DTX2: variants seen among roughly 807,000 people sequenced by gnomAD.
The protein encoded by DTX2 is probable E3 ubiquitin-protein ligase DTX2.
DTX2 carries 29 observed loss-of-function variants against 55.3 expected under a neutral mutation model. That is an observed-to-expected ratio of 0.52 (90% CI 0.39 to 0.71). The LOEUF is 0.71. Among genes scored for constraint, DTX2 ranks in the 30% least tolerant of loss-of-function variants. The probability of loss-of-function intolerance (pLI) is 0.00; values close to 1 mark genes in which losing one functional copy is unlikely to be tolerated. For missense variants in DTX2, 537 were observed against 822.5 expected (o/e 0.65, Z 4.25); for synonymous variants, 276 against 340.4 (o/e 0.81, Z 2.08).
chr7:76,486,996 T>C (rs1810001268), intron 4 of DTX2, among the ~76,000 whole-genome samples: 2 of 106,334 alleles, frequency 1.9e-5, no homozygotes, highest in Admixed American at 2.4e-4. Context: ...TGACTTATGA[T>C]AGGCCCTCGG....
At chr7:76,483,426 G>T (rs1473733668) in intron 4 of DTX2, among the ~76,000 whole-genome samples, 5 of 152,284 alleles carry the variant, frequency 3.3e-5, no homozygotes, top group African/African-American at 9.6e-5. Context: ...TTAAAGGCCT[G>T]TGGCCTCTGC....
chr7:76,483,900 T>A (rs1418947462), intron 4 of DTX2, among the ~76,000 whole-genome samples: 4 of 151,960 alleles, frequency 2.6e-5, no homozygotes, highest in Admixed American at 2.0e-4. Flanking sequence ...CAAAAAAAAT[T>A]TTTTTAATTA....
At chr7:76,473,192 T>C (rs2116259590) in intron 2 of DTX2, among the ~76,000 whole-genome samples, 1 of 152,084 alleles carries the variant, frequency 6.6e-6, no homozygotes, top group African/African-American at 2.4e-5. Context: ...TTCTTTGATA[T>C]GTTTGTGTCA....
At chr7:76,474,501 C>G (rs1490286231) in intron 2 of DTX2, 1 of 152,164 alleles carries the variant, frequency 6.6e-6, no homozygotes, top group African/African-American at 2.4e-5. Context: ...CTTTCATCTT[C>G]TCTCGGGACG....
intron 2 of DTX2, among the ~76,000 whole-genome samples, chr7:76,479,935 T>C (rs1205554584): frequency 1.3e-5 from 2 of 150,472 alleles, no homozygotes; most frequent in Non-Finnish European, 1.5e-5. Context: ...GGATTGACTT[T>C]GAATTCTTCC....
rs528481922 is a variant in DTX2 at position 76,469,832 on chromosome 7, G to T, written c.-90+6123G>T. The stretch of plus-strand genomic sequence containing the variant: ...ACAGGAACTCTGGAAACAGATTTGG[G>T]TTTTCTCAGTCCCTGGATATCCTTG... On this transcript the variant is annotated intron_variant, in intron 2 of 10. Transcript: ENST00000430490. Among the ~76,000 whole-genome samples, 11 of 151,744 alleles carry T rather than the reference G, an allele frequency of 7.2e-5. No individual in the cohort carries two copies. In the South Asian group the frequency reaches 8.4e-4, roughly 12 times the overall value.
chr7:76,504,891 A>G (rs1172596541), intron 10 of DTX2, among the ~76,000 whole-genome samples: 1 of 152,094 alleles, frequency 6.6e-6, no homozygotes, highest in Non-Finnish European at 1.5e-5. Context: ...GGCCAGCACC[A>G]GGGGTAGAGC....
At chr7:76,472,756 A>C (rs1165085392) in intron 2 of DTX2, among the ~76,000 whole-genome samples, 2 of 151,792 alleles carry the variant, frequency 1.3e-5, no homozygotes, top group Non-Finnish European at 2.9e-5. Context: ...AGTTTAAAAA[A>C]AAAGAAAAAA....
intron 6 of DTX2, chr7:76,500,061 C>T (rs903608147): frequency 1.1e-5 from 4 of 364,492 alleles, no homozygotes; most frequent in African/African-American, 4.3e-5. Flanking sequence ...CACAACGCCC[C>T]CTGGAGTAGT....
At position 76,482,822 on chromosome 7, in the gene DTX2, G is replaced by A. The variant is rs771297466; in HGVS notation, c.583G>A (p.Ala195Thr). 1.2e-5 allele frequency: 19 copies of A among 1,613,768 alleles called. No homozygotes were observed. The highest frequency in any genetic ancestry group is 8.8e-5 in the South Asian group (8 of 91,060). Residue 195 changes from alanine to threonine, a missense_variant, in exon 4 of 11, where the codon GCC becomes ACC. Physicochemically the swap from Ala to Thr is moderately conservative, Grantham distance 58 (BLOSUM62 0). Coordinates refer to ENST00000430490, the MANE Select transcript of DTX2 (RefSeq NM_001102594.3). ...CGCTCCGCCGGGCCACACAGGCGTCGCCTGCTCTTGCCACCAGTGCCTCAG... is the reference window on the plus strand; with the variant it reads ...CGCTCCGCCGGGCCACACAGGCGTCACCTGCTCTTGCCACCAGTGCCTCAG... ...IIAPPGHTGV[A>T]CSCHQCLSGS...
At chr7:76,503,314 C>T (rs1811946154) in intron 8 of DTX2, 112 bp from the exon 9 acceptor site, 1 of 1,282,906 alleles carries the variant, frequency 7.8e-7, no homozygotes, top group Non-Finnish European at 1.1e-6. Flanking sequence ...CCAGCAACTC[C>T]CTGGGATGGT....
chr7:76,472,896 T>G (rs1282828184), intron 2 of DTX2, among the ~76,000 whole-genome samples: 16 of 152,272 alleles, frequency 1.1e-4, no homozygotes, highest in Non-Finnish European at 1.9e-4. Flanking sequence ...CGTCAAAATT[T>G]TTCTATAATT....
chr7:76,475,665 G>A (rs1242195729), intron 2 of DTX2, among the ~76,000 whole-genome samples: 1 of 151,384 alleles, frequency 6.6e-6, no homozygotes, highest in Admixed American at 6.6e-5. Context: ...CCTGCCTGGC[G>A]ACAGAGCAAG....
intron 4 of DTX2, among the ~76,000 whole-genome samples, chr7:76,483,446 G>T (rs1161055527): frequency 4.0e-4 from 61 of 150,702 alleles, no homozygotes; most frequent in African/African-American, 1.4e-3. Flanking sequence ...CTTGCGGGCT[G>T]CATGGCGAGC....
chr7:76,482,275 G>A (rs1472360165), intron 3 of DTX2, among the ~76,000 whole-genome samples: 1 of 151,476 alleles, frequency 6.6e-6, no homozygotes, highest in African/African-American at 2.4e-5. Flanking sequence ...CAGGAGGATC[G>A]CTTGAGCCCA....
intron 2 of DTX2, chr7:76,474,514 A>G (rs3972783): frequency 0.2 from 29,695 of 151,718 alleles, 3,120 homozygotes; most frequent in South Asian, 0.29. Context: ...TCGGGACGGC[A>G]GAGGCAGGAC....
chr7:76,503,309 A>T, intron 8 of DTX2, 117 bp from the exon 9 acceptor site: 2 of 1,202,402 alleles, frequency 1.7e-6, no homozygotes, highest in Non-Finnish European at 2.3e-6. Flanking sequence ...GGCTGCCAGC[A>T]ACTCCCTGGG....
chr7:76,503,043 G>C (rs576563961), intron 8 of DTX2: 2 of 267,426 alleles, frequency 7.5e-6, no homozygotes, highest in African/African-American at 4.4e-5. Context: ...GTCATGTGGC[G>C]CATCGGAGCC....
In DTX2 at chr7:76,483,007, G is replaced by A; in HGVS notation, c.768G>A (p.Arg256=). The change falls in exon 4 of 11, where the codon CGG becomes CGA. Residue 256 remains arginine (R), a synonymous_variant. Transcript: ENST00000430490. ...ACAAACCCTCACTCTCCGGGGCCCG[G>A]TCTGCGCCCAGGCTGAACACCACCA... ...PYNKPSLSGA[R]SAPRLNTTNA... The A allele has an allele frequency of 6.2e-7, 1 of 1,613,550 alleles. No individual in the cohort carries two copies. Among genetic ancestry groups the A allele is most frequent in the African/African-American group, 1.3e-5 (1 of 75,030 alleles).
Sources: gnomAD v4.1 joint callset for allele counts (sites outside exome capture counted in the v4.1 genomes callset) on GRCh38, gnomAD v4.1.1 for gene constraint, MANE v1.5 for transcripts, NCBI Gene and HGNC (gene_info 2026-07-23, HGNC 2026-07-21) for gene names.